Variants in WBP4 observed in about 807,000 individuals in gnomAD.
WBP4 encodes the protein WW domain binding protein 4.
Under a neutral mutation model 55.4 loss-of-function variants are expected in WBP4, and 37 were observed. The ratio of observed to expected loss-of-function variants is 0.67; its 90% confidence interval spans 0.51 to 0.88. The LOEUF is 0.88. Among genes scored for constraint, WBP4 ranks in the 40% least tolerant of loss-of-function variants. WBP4 has a pLI of 0.00. For synonymous variants in WBP4, 142 were observed against 140.2 expected (o/e 1.01, Z -0.09); for missense variants, 398 against 420.8 (o/e 0.95, Z 0.47).
chr13:41,068,697 C>T lies in WBP4; in HGVS notation c.399C>T (p.Thr133=), dbSNP rs776280917. The change falls in exon 5 of 10, where the codon ACC becomes ACT. Residue 133 remains threonine (T), a synonymous_variant. Transcript: ENST00000379487. ...PSKGRWVEGI[T]SEGYHYYYDL... ...AGGGCAGATGGGTAGAAGGCATAAC[C>T]TCTGAGGGTTACCATTACTATTATG... 1 of 1,610,586 alleles carries T rather than the reference C, an allele frequency of 6.2e-7. No homozygotes were observed. Among genetic ancestry groups the T allele is most frequent in the South Asian group, 1.1e-5 (1 of 90,432 alleles).
intron 7 of WBP4, among the ~76,000 whole-genome samples, chr13:41,075,125 GACCAGAATAATTACTA>G (rs964840258): frequency 1.5e-4 from 23 of 151,998 alleles, no homozygotes; most frequent in African/African-American, 5.1e-4. Context: ...TTTATTCCTG[GACCAGAATAATTACTA>G]ACGGCAGCCC....
intron 6 of WBP4, 42 bp from the exon 7 acceptor site, chr13:41,072,740 T>TG (rs1307188534): frequency 6.4e-7 from 1 of 1,570,640 alleles, no homozygotes; most frequent in Admixed American, 1.7e-5. Context: ...TAGAAAATCA[T>TG]GGTTATCCTT....
chr13:41,071,504 A>G, intron 5 of WBP4, 23 bp from the exon 6 acceptor site: 1 of 1,578,692 alleles, frequency 6.3e-7, no homozygotes, highest in Non-Finnish European at 8.6e-7. Context: ...AGATTTTATA[A>G]ATGCAATATA....
chr13:41,062,347 C>A, intron 1 of WBP4: 1 of 926,408 alleles, frequency 1.1e-6, no homozygotes, highest in Non-Finnish European at 1.3e-6. Flanking sequence ...GATAAATGTT[C>A]TTCTAAGATG....
intron 2 of WBP4, among the ~76,000 whole-genome samples, chr13:41,063,032 A>G (rs1877772133): frequency 6.6e-6 from 1 of 152,180 alleles, no homozygotes; most frequent in South Asian, 2.1e-4. Flanking sequence ...TACCCAAAGA[A>G]TTGTGGAAAG....
chr13:41,083,050 A>G lies in WBP4; in HGVS notation c.*136A>G. ...CTAAATGTATTTGATGTGAATTAAAATAAATATTTTTTCATGTGAAATTTA... is the reference window on the plus strand; with the variant it reads ...CTAAATGTATTTGATGTGAATTAAAGTAAATATTTTTTCATGTGAAATTTA... On this transcript the variant is annotated 3_prime_UTR_variant, in exon 10 of 10. Coordinates refer to ENST00000379487, the MANE Select transcript of WBP4 (RefSeq NM_007187.5). The G allele has an allele frequency of 1.1e-6, 1 of 889,066 alleles. No homozygotes were observed. 55.1% of individuals were successfully genotyped at this position (889,066 alleles called of 1,614,324 possible).
At chr13:41,076,296 TTGAGATG>T in intron 8 of WBP4, 59 bp downstream of exon 8, 3 of 836,254 alleles carry the variant, frequency 3.6e-6, no homozygotes, top group Non-Finnish European at 5.3e-6. Flanking sequence ...TTTTTTTTTT[TTGAGATG>T]GAGTCTTGTT....
At chr13:41,062,178 T>C (rs1195013113) in intron 1 of WBP4, 11 of 969,232 alleles carry the variant, frequency 1.1e-5, no homozygotes, top group African/African-American at 3.7e-5. Context: ...GCCTTGAGGC[T>C]CAAGAACAGT....
In WBP4 at chr13:41,065,055, A is replaced by T. The variant is rs1265894567; in HGVS notation, c.115A>T (p.Asn39Tyr). The T allele has an allele frequency of 6.3e-7, 1 of 1,595,474 alleles. No individual in the cohort carries two copies. Among genetic ancestry groups the T allele is most frequent in the Admixed American group, 1.8e-5 (1 of 54,280 alleles). ...TGAAAGAGGAAAGAATCATAAGGAAAATGTGGCAAAAAGGATCAGTGAGGT... is the reference window on the plus strand; with the variant it reads ...TGAAAGAGGAAAGAATCATAAGGAATATGTGGCAAAAAGGATCAGTGAGGT... ...FHERGKNHKE[N>Y]VAKRISEIKQ... Residue 39 changes from asparagine to tyrosine, a missense_variant, in exon 3 of 10, where the codon AAT becomes TAT. Transcript: ENST00000379487.
rs371127006 is a variant in WBP4 at position 41,065,091 on chromosome 13, G to A, written c.138+13G>A. On this transcript the variant is annotated intron_variant, in intron 3 of 9. Transcript: ENST00000379487. Reference sequence around the variant, plus strand: ...AAGGATCAGTGAGGTAATTTAGATTGTTTATTTGCTAATTTTTCTATGCAA... The same window carrying A: ...AAGGATCAGTGAGGTAATTTAGATTATTTATTTGCTAATTTTTCTATGCAA... 89 of 1,599,354 alleles carry A rather than the reference G, an allele frequency of 5.6e-5. No homozygotes were observed. Among genetic ancestry groups the A allele is most frequent in the Admixed American group, 2.0e-4 (11 of 55,852 alleles).
chr13:41,062,267 C>T (rs993388148), intron 1 of WBP4: 5 of 985,100 alleles, frequency 5.1e-6, no homozygotes, highest in Non-Finnish European at 6.0e-6. Context: ...GTGGGAATAA[C>T]TTGATTTAAG....
At position 41,082,932 on chromosome 13, in the gene WBP4, G is replaced by A. The variant is rs769387343; in HGVS notation, c.*18G>A. On this transcript the variant is annotated 3_prime_UTR_variant, in exon 10 of 10. Coordinates refer to ENST00000379487, the MANE Select transcript of WBP4 (RefSeq NM_007187.5). ...ATCAATAGTTGCAGGAGAGCTTTTT[G>A]TACATGCTTTTAGGACAGAATGGAG... 4.1e-5 allele frequency: 66 copies of A among 1,612,620 alleles called. No individual in the cohort carries two copies. The highest frequency in any genetic ancestry group is 1.6e-4 in the Middle Eastern group (1 of 6,078).
In WBP4 at chr13:41,065,028, C is replaced by T; in HGVS notation, c.88C>T (p.His30Tyr). Residue 30 changes from histidine (H) to tyrosine (Y), a missense_variant, in exon 3 of 10, where the codon CAT becomes TAT. Coordinates refer to ENST00000379487, the MANE Select transcript of WBP4 (RefSeq NM_007187.5). The part of the protein sequence containing the change: ...IADNRPSVEF[H>Y]ERGKNHKENV... ...TTTCATTTTCAAGAGTGTTGAATTT[C>T]ATGAAAGAGGAAAGAATCATAAGGA... 4 of 1,583,512 alleles carry T rather than the reference C, an allele frequency of 2.5e-6. No individual in the cohort carries two copies. Among genetic ancestry groups the T allele is most frequent in the Non-Finnish European group, 2.6e-6 (3 of 1,170,986 alleles).
At chr13:41,065,338 C>T in intron 4 of WBP4, 51 bp downstream of exon 4, 1 of 1,501,348 alleles carries the variant, frequency 6.7e-7, no homozygotes, top group Non-Finnish European at 8.8e-7. Flanking sequence ...AAAGTAACAT[C>T]AGAGGTCAAG....
At chr13:41,077,371 A>T (rs1254723961) in intron 8 of WBP4, among the ~76,000 whole-genome samples, 1 of 152,182 alleles carries the variant, frequency 6.6e-6, no homozygotes, top group African/African-American at 2.4e-5. Context: ...TCATGCCTGT[A>T]ATCTCAGCAC....
In WBP4 at chr13:41,061,525, G is replaced by A. The variant is rs760951408; in HGVS notation, c.-149G>A. On this transcript the variant is annotated 5_prime_UTR_variant, in exon 1 of 10. Transcript: ENST00000379487. Reference sequence around the variant, plus strand: ...TGGGCACCCGTAGTTGGGAACAGCGGAACGCTGGTCCCGGGGACTGAGTAA... The same window carrying A: ...TGGGCACCCGTAGTTGGGAACAGCGAAACGCTGGTCCCGGGGACTGAGTAA... 15 of 1,274,276 alleles carry A rather than the reference G, an allele frequency of 1.2e-5. No homozygotes were observed. Among genetic ancestry groups the A allele is most frequent in the Non-Finnish European group, 1.6e-5 (14 of 901,332 alleles). The allele number at this position is 1,274,276 out of a possible 1,614,324, so 78.9% of individuals were successfully genotyped here. A position where few individuals can be genotyped will look rare whatever the true frequency, so the allele number is the denominator to read the frequency against.
intron 5 of WBP4, among the ~76,000 whole-genome samples, chr13:41,070,668 G>A (rs922102085): frequency 7.9e-5 from 12 of 152,026 alleles, no homozygotes; most frequent in African/African-American, 2.2e-4. Context: ...TTGAGTCTGG[G>A]GATGTAGATA....
rs193295157 is a variant in WBP4 at position 41,074,721 on chromosome 13, G to A, written c.563-1323G>A. On this transcript the variant is annotated intron_variant, in intron 7 of 9. Coordinates refer to ENST00000379487, the MANE Select transcript of WBP4 (RefSeq NM_007187.5). ...TAAATAAATTACTCCCTGAACTGGC[G>A]TGGTGGTTCACACCTGTAGTCCTAG... 2.7e-3 allele frequency among the ~76,000 whole-genome samples: 405 copies of A among 152,288 alleles called. 2 individuals are homozygous for A. The highest frequency in any genetic ancestry group is 9.3e-3 in the African/African-American group (386 of 41,554).
At chr13:41,077,165 A>G (rs1482780581) in intron 8 of WBP4, among the ~76,000 whole-genome samples, 2 of 152,222 alleles carry the variant, frequency 1.3e-5, no homozygotes, top group Non-Finnish European at 2.9e-5. Context: ...GGATGGTTCA[A>G]AGTATGCAAA....
Sources: allele counts gnomAD v4.1 joint callset (sites outside exome capture counted in the v4.1 genomes callset), GRCh38; gene constraint gnomAD v4.1.1; transcripts MANE v1.5; gene names NCBI Gene and HGNC (gene_info 2026-07-23, HGNC 2026-07-21).